Variants in SNPH observed in about 807,000 individuals in gnomAD.
The protein encoded by SNPH is syntaphilin.
In SNPH, 10 loss-of-function variants were observed where a neutral mutation model predicts 36.8. The ratio of observed to expected loss-of-function variants is 0.27; its 90% CI spans 0.17 to 0.46. The LOEUF (loss-of-function observed/expected upper bound fraction) is 0.46. SNPH is among the 20% of genes least tolerant of loss of function. The probability of loss-of-function intolerance (pLI) is 1.00; values close to 1 mark genes in which losing one functional copy is unlikely to be tolerated. For synonymous variants in SNPH, 281 were observed against 312.2 expected, an observed-to-expected ratio of 0.90 and a Z score of 1.05; for missense variants, 622 against 744.0, an observed-to-expected ratio of 0.84 and a Z score of 1.91.
intron 2 of SNPH, among the ~76,000 whole-genome samples, chr20:1,284,127 GA>G (rs1346554295): frequency 6.6e-6 from 1 of 152,176 alleles, no homozygotes; most frequent in Non-Finnish European, 1.5e-5. Context: ...CCTTAGAGGG[GA>G]CCCTCTGGTG....
At chr20:1,300,801 G>A in intron 6 of SNPH, 90 bp downstream of exon 6, 1 of 1,327,154 alleles carries the variant, frequency 7.5e-7, no homozygotes, top group Non-Finnish European at 1.0e-6. Flanking sequence ...TTGGAGGGAG[G>A]AGTGGCTGGG....
At chr20:1,272,606 T>C (rs926766193) in intron 2 of SNPH, among the ~76,000 whole-genome samples, 1 of 152,276 alleles carries the variant, frequency 6.6e-6, no homozygotes, top group Non-Finnish European at 1.5e-5. Context: ...AAAATGTGTA[T>C]GTGACCGGCC....
rs764884983 is a variant in SNPH, at chr20:1,305,604, G to A, written c.1167G>A (p.Gly389=). The A allele has an allele frequency of 6.2e-7, 1 of 1,613,456 alleles. No individual in the cohort carries two copies. The highest frequency in any genetic ancestry group is 1.3e-5 in the African/African-American group (1 of 74,950). ...AQVCGTDPES[G]DRCPELDAHP... is the part of the protein sequence containing the mutation. Reference sequence around the variant, plus strand: ...TCTGTGGGACAGACCCTGAGTCAGGGGACAGGTGCCCAGAGCTGGATGCCC... The same window carrying A: ...TCTGTGGGACAGACCCTGAGTCAGGAGACAGGTGCCCAGAGCTGGATGCCC... Residue 389 remains glycine (G), a synonymous_variant, in exon 7 of 7, where the codon GGG becomes GGA. Transcript: ENST00000381867.
chr20:1,304,206 C>A lies in SNPH; in HGVS notation c.441-672C>A, dbSNP rs928147102. Among the ~76,000 whole-genome samples, 2 of 152,100 alleles carry A rather than the reference C, an allele frequency of 1.3e-5. No homozygotes were observed. Among genetic ancestry groups the A allele is most frequent in the African/African-American group, 4.8e-5 (2 of 41,404 alleles). On this transcript the variant is annotated intron_variant, in intron 6 of 6. Coordinates refer to ENST00000381867, the MANE Select transcript of SNPH (RefSeq NM_001318234.2). The surrounding 1 kb of genome is among the most constrained non-coding windows in gnomAD (Gnocchi z 4.3). ...TTAAGATACAAGATACAAGGAGATA[C>A]AAAGATACAAAGAAGCTTCTAGCAT...
intron 2 of SNPH, among the ~76,000 whole-genome samples, chr20:1,290,969 G>T (rs551832039): frequency 4.5e-4 from 68 of 152,338 alleles, no homozygotes; most frequent in African/African-American, 1.6e-3. Context: ...TTAAAAAGTA[G>T]TCTTACTTCA....
intron 6 of SNPH, among the ~76,000 whole-genome samples, chr20:1,303,320 G>T (rs2088526224): frequency 6.6e-6 from 1 of 152,248 alleles, no homozygotes; most frequent in Admixed American, 6.5e-5. Context: ...GCCCACTGAG[G>T]CGTGGACAGG....
At position 1,307,542 on chromosome 20, in the gene SNPH, CTG is replaced by C. The variant is rs2088596014; in HGVS notation, c.*1492_*1493del. ...CCCACCTCTGGGGGTTGGAGGGACC[CTG>C]TGTCTTACTCGCCCCTCTGGCCTAA... On this transcript the variant is annotated 3_prime_UTR_variant, in exon 7 of 7. Coordinates refer to ENST00000381867, the MANE Select transcript of SNPH (RefSeq NM_001318234.2). 1.3e-5 allele frequency: 2 copies of C among 152,484 alleles called. No homozygotes were observed. The highest frequency in any genetic ancestry group is 1.3e-4 in the Admixed American group (2 of 15,292). The allele number at this position is 152,484 out of a possible 1,614,324, so 9.4% of individuals were successfully genotyped here.
intron 2 of SNPH, among the ~76,000 whole-genome samples, chr20:1,279,469 GTTCT>G (rs2088189568): frequency 6.6e-6 from 1 of 152,172 alleles, no homozygotes; most frequent in Non-Finnish European, 1.5e-5. Flanking sequence ...CTGGATATAA[GTTCT>G]TTGTTAAATA....
chr20:1,305,408 C>A lies in SNPH; in HGVS notation c.971C>A (p.Ser324Tyr). The A allele has an allele frequency of 1.2e-6, 2 of 1,613,078 alleles. No individual in the cohort carries two copies. The highest frequency in any genetic ancestry group is 1.7e-6 in the Non-Finnish European group (2 of 1,180,024). Residue 324 changes from serine (S) to tyrosine (Y), a missense_variant, in exon 7 of 7, where the codon TCC (serine) becomes TAC (tyrosine). Ser to Tyr is a moderately radical substitution (Grantham distance 144). Coordinates refer to ENST00000381867, the MANE Select transcript of SNPH (RefSeq NM_001318234.2). ...CGTEETSLHS[S>Y]FGLGPRFPAS... ...ACCGAGGAGACCTCGCTGCACAGCT[C>A]CTTCGGCCTGGGCCCCCGCTTCCCT...
At chr20:1,281,000 G>A (rs944894901) in intron 2 of SNPH, among the ~76,000 whole-genome samples, 1 of 152,144 alleles carries the variant, frequency 6.6e-6, no homozygotes, top group Admixed American at 6.6e-5. Context: ...AACTCTGGGT[G>A]GAGTGGGGGG....
At position 1,279,210 on chromosome 20, in the gene SNPH, C is replaced by T. The variant is rs1245533415; in HGVS notation, c.-493+12450C>T. On this transcript the variant is annotated intron_variant, in intron 2 of 6. Transcript: ENST00000381867. ...CATTATGGGAGTTTCAGTTCCTCTA[C>T]ATCCTCATCAGTACATGGTATGGTT... Among the ~76,000 whole-genome samples, 3 of 152,206 alleles carry T rather than the reference C, an allele frequency of 2.0e-5. 1 individual carries two copies. The highest frequency in any genetic ancestry group is 7.2e-5 in the African/African-American group (3 of 41,456).
At chr20:1,303,368 C>T (rs2088526880) in intron 6 of SNPH, among the ~76,000 whole-genome samples, 1 of 152,234 alleles carries the variant, frequency 6.6e-6, no homozygotes, top group South Asian at 2.1e-4. Context: ...GGCTGGGCCC[C>T]AAGGAGAGAG....
In SNPH at chr20:1,266,668, C is replaced by T. The variant is rs1290558524; in HGVS notation, c.-585C>T. 9 of 1,485,632 alleles carry T rather than the reference C, an allele frequency of 6.1e-6. No individual in the cohort carries two copies. The highest frequency in any genetic ancestry group is 8.0e-6 in the Non-Finnish European group (9 of 1,120,616). The allele number at this position is 1,485,632 out of a possible 1,614,324, so 92.0% of individuals were successfully genotyped here. A position where few individuals can be genotyped will look rare whatever the true frequency, so the allele number is the denominator to read the frequency against. ...TAACCCCGCAGGTCGCTGATCAGGG[C>T]CAGGCGGCTGCAGCAGCGACTGCAG... On this transcript the variant is annotated 5_prime_UTR_variant, in exon 2 of 7. Transcript: ENST00000381867. The surrounding 1 kb of genome is among the most constrained non-coding windows in gnomAD (Gnocchi z 6.0).
At chr20:1,280,695 C>T (rs1284720362) in intron 2 of SNPH, among the ~76,000 whole-genome samples, 3 of 152,170 alleles carry the variant, frequency 2.0e-5, no homozygotes, top group Admixed American at 6.5e-5. Context: ...GGCTTTGTCC[C>T]AAGAGAGTGA....
intron 2 of SNPH, among the ~76,000 whole-genome samples, chr20:1,279,048 A>G (rs1330864869): frequency 2.6e-5 from 4 of 152,240 alleles, no homozygotes; most frequent in Non-Finnish European, 2.9e-5. Context: ...AAATCTTTCA[A>G]TGGACATACA....
At chr20:1,279,895 G>A (rs148853597) in intron 2 of SNPH, among the ~76,000 whole-genome samples, 22 of 152,314 alleles carry the variant, frequency 1.4e-4, no homozygotes, top group South Asian at 4.1e-4. Flanking sequence ...ATCTTGTGAA[G>A]ATGGGCACAG....
chr20:1,293,993 C>T (rs1029008475), intron 2 of SNPH, among the ~76,000 whole-genome samples: 2 of 152,352 alleles, frequency 1.3e-5, no homozygotes, highest in South Asian at 4.1e-4. Flanking sequence ...CTCACACTGG[C>T]TTGGAAGAGC....
At chr20:1,278,014 G>A (rs1025529220) in intron 2 of SNPH, among the ~76,000 whole-genome samples, 1 of 146,816 alleles carries the variant, frequency 6.8e-6, no homozygotes, top group Non-Finnish European at 1.5e-5. Context: ...GTGTGTGTCA[G>A]TGTCTATGTA....
Position 1,266,579 on chromosome 20 carries a change from CG to C in SNPH, c.-599-70del. 4 of 1,401,834 alleles carry C rather than the reference CG, an allele frequency of 2.9e-6. No individual in the cohort carries two copies. The highest frequency in any genetic ancestry group is 1.8e-6 in the Non-Finnish European group (2 of 1,084,392). 86.8% of individuals were successfully genotyped at this position (1,401,834 alleles called of 1,614,324 possible). On this transcript the variant is annotated intron_variant, in intron 1 of 6. Coordinates refer to ENST00000381867, the MANE Select transcript of SNPH (RefSeq NM_001318234.2). The surrounding 1 kb of genome is among the most constrained non-coding windows in gnomAD (Gnocchi z 6.0). ...CTGCAGCGGCCCAGCTGTCAGCGGCCGGGGGCTCAGCTGCCTGGGTGTTCCC... is the reference window on the plus strand; with the variant it reads ...CTGCAGCGGCCCAGCTGTCAGCGGCCGGGGCTCAGCTGCCTGGGTGTTCCC...
Sources: gnomAD v4.1 joint callset for allele counts (sites outside exome capture counted in the v4.1 genomes callset) on GRCh38, gnomAD v4.1.1 for gene constraint, Gnocchi (gnomAD v3.1) non-coding constraint, MANE v1.5 for transcripts, NCBI Gene and HGNC (gene_info 2026-07-23, HGNC 2026-07-21) for gene names.